GRAMD1B: variants seen among roughly 807,000 people sequenced by gnomAD.
GRAMD1B encodes the protein protein Aster-B.
Under a neutral mutation model 99.7 loss-of-function variants are expected in GRAMD1B, and 37 were observed. The observed-to-expected ratio is 0.37, with a 90% CI of 0.29 to 0.49. The LOEUF (loss-of-function observed/expected upper bound fraction) is 0.49. Among genes scored for constraint, GRAMD1B ranks in the 20% least tolerant of loss-of-function variants. GRAMD1B has a pLI of 0.98. For missense variants in GRAMD1B, 888 were observed against 1,009.2 expected, an observed-to-expected ratio of 0.88 and a Z score of 1.63; for synonymous variants, 427 against 387.6, an observed-to-expected ratio of 1.10 and a Z score of -1.19.
rs540839529 is a variant in GRAMD1B at position 123,475,025 on chromosome 11, T to C, written c.375-5791T>C. Among the ~76,000 whole-genome samples the C allele has an allele frequency of 3.1e-4, 47 of 152,252 alleles. 1 individual carries two copies. Among genetic ancestry groups the C allele is most frequent in the Admixed American group, 2.9e-3 (44 of 15,298 alleles). On this transcript the variant is annotated intron_variant, in intron 1 of 19. Coordinates refer to ENST00000635736, the MANE Select transcript of GRAMD1B (RefSeq NM_001387025.1). ...TAGGGTTGCCTGGAAGAGAAAGAGC[T>C]GTTTCTCCCTAGGAAGCACCTACTC...
chr11:123,377,409 G>T (rs992932509), intron 1 of GRAMD1B, among the ~76,000 whole-genome samples: 1 of 152,302 alleles, frequency 6.6e-6, no homozygotes, highest in African/African-American at 2.4e-5. Flanking sequence ...AGCAAAATGC[G>T]TGGTGGGTGC....
At chr11:123,549,709 T>C (rs1039145399) in intron 2 of GRAMD1B, among the ~76,000 whole-genome samples, 10 of 152,290 alleles carry the variant, frequency 6.6e-5, no homozygotes, top group Admixed American at 3.9e-4. Flanking sequence ...TGAGTGCTCA[T>C]ACTCTATGAA....
chr11:123,580,842 TC>T (rs942317967), intron 3 of GRAMD1B, among the ~76,000 whole-genome samples: 29 of 149,538 alleles, frequency 1.9e-4, no homozygotes, highest in African/African-American at 6.9e-4. Flanking sequence ...GCTGCACACC[TC>T]CCCACCGCGG....
At chr11:123,421,869 GAAAC>G (rs1948449128) in intron 1 of GRAMD1B, among the ~76,000 whole-genome samples, 3 of 152,110 alleles carry the variant, frequency 2.0e-5, no homozygotes, top group Non-Finnish European at 1.5e-5. Flanking sequence ...TACATTTAAA[GAAAC>G]AATGTATTCT....
At chr11:123,494,113 G>A (rs750641447) in intron 2 of GRAMD1B, among the ~76,000 whole-genome samples, 2 of 152,110 alleles carry the variant, frequency 1.3e-5, no homozygotes, top group South Asian at 2.1e-4. Flanking sequence ...TATTGTGTCC[G>A]CAACACTTAG....
chr11:123,591,242 C>T lies in GRAMD1B; in HGVS notation c.685-2840C>T, dbSNP rs1460148564. ...GCAGCTCTAGGAGCAGAAAGGACAC[C>T]TGTCAGAGTCACACAGGCCCTCTGC... On this transcript the variant is annotated intron_variant, in intron 4 of 19. Coordinates refer to ENST00000635736, the MANE Select transcript of GRAMD1B (RefSeq NM_001387025.1). The surrounding 1 kb of genome is among the most constrained non-coding windows in gnomAD (Gnocchi z 4.7). 2 of 395,032 alleles carry T rather than the reference C, an allele frequency of 5.1e-6. No homozygotes were observed. Among genetic ancestry groups the T allele is most frequent in the East Asian group, 3.6e-5 (1 of 27,918 alleles). 24.5% of individuals were successfully genotyped at this position (395,032 alleles called of 1,614,324 possible). A position where few individuals can be genotyped will look rare whatever the true frequency, so the allele number is the denominator to read the frequency against.
chr11:123,442,377 AG>A (rs1949449031), intron 1 of GRAMD1B, among the ~76,000 whole-genome samples: 1 of 152,250 alleles, frequency 6.6e-6, no homozygotes, highest in South Asian at 2.1e-4. Context: ...GTTACCAGAA[AG>A]GGGTCCCATT....
At position 123,513,601 on chromosome 11, in the gene GRAMD1B, C is replaced by CTTTCTTTCTTT. The variant is rs1591772451; in HGVS notation, c.452+32708_452+32709insTTTCTTTCTTT. Reference sequence around the variant, plus strand: ...CCTTTCCTTCCTTCCTTCCTTCCTTCCTTCCTTCCTTCCTTCCTTTCTTTC... The same window carrying CTTTCTTTCTTT: ...CCTTTCCTTCCTTCCTTCCTTCCTTCTTTCTTTCTTTCTTCCTTCCTTCCTTCCTTTCTTTC... On this transcript the variant is annotated intron_variant, in intron 2 of 19. Transcript: ENST00000635736. 5.3e-3 allele frequency among the ~76,000 whole-genome samples: 197 copies of CTTTCTTTCTTT among 37,346 alleles called. 5 individuals are homozygous for CTTTCTTTCTTT. The highest frequency in any genetic ancestry group is 0.013 in the African/African-American group (186 of 14,462). 24.5% of individuals were successfully genotyped at this position (37,346 alleles called of 152,430 possible). A position where few individuals can be genotyped will look rare whatever the true frequency, so the allele number is the denominator to read the frequency against.
chr11:123,613,710 G>T (rs1364845831), intron 16 of GRAMD1B, 52 bp downstream of exon 16: 1 of 1,364,684 alleles, frequency 7.3e-7, no homozygotes. Context: ...GGCTGGAGCT[G>T]CATGCCCACA....
In GRAMD1B at chr11:123,610,889, A is replaced by G. The variant is rs148143314; in HGVS notation, c.1919+551A>G. On this transcript the variant is annotated intron_variant, in intron 14 of 19. Transcript: ENST00000635736. The surrounding 1 kb of genome is among the most constrained non-coding windows in gnomAD (Gnocchi z 4.1). ...GCCTGCACGTATCAGAGTCCAGAGAACACTTATTAGTGAATAATTAGTTCT... is the reference window on the plus strand; with the variant it reads ...GCCTGCACGTATCAGAGTCCAGAGAGCACTTATTAGTGAATAATTAGTTCT... 6.6e-6 allele frequency among the ~76,000 whole-genome samples: 1 copy of G among 152,326 alleles called. No homozygotes were observed. Among genetic ancestry groups the G allele is most frequent in the African/African-American group, 2.4e-5 (1 of 41,566 alleles).
intron 2 of GRAMD1B, among the ~76,000 whole-genome samples, chr11:123,541,562 TC>T: frequency 6.6e-6 from 1 of 151,724 alleles, no homozygotes; most frequent in East Asian, 1.9e-4. Context: ...TGGCCTTTGC[TC>T]CCTTTCTTGT....
At chr11:123,407,746 A>G (rs1947904630) in intron 1 of GRAMD1B, among the ~76,000 whole-genome samples, 1 of 152,154 alleles carries the variant, frequency 6.6e-6, no homozygotes, top group Admixed American at 6.6e-5. Context: ...CATCTCCCCA[A>G]ATTAAACGTG....
intron 2 of GRAMD1B, among the ~76,000 whole-genome samples, chr11:123,512,702 T>TC (rs1941152355): frequency 7.7e-6 from 1 of 129,298 alleles, no homozygotes; most frequent in Non-Finnish European, 1.6e-5. Flanking sequence ...GCATTGTGAA[T>TC]CTTTTTTTTT....
chr11:123,513,753 C>T (rs563233085), intron 2 of GRAMD1B, among the ~76,000 whole-genome samples: 1 of 151,628 alleles, frequency 6.6e-6, no homozygotes, highest in South Asian at 2.1e-4. Context: ...ACTTTTTGGG[C>T]TCAAGTGATC....
chr11:123,493,855 G>C (rs776044076), intron 2 of GRAMD1B, among the ~76,000 whole-genome samples: 2 of 152,120 alleles, frequency 1.3e-5, no homozygotes, highest in African/African-American at 2.4e-5. Flanking sequence ...CTTCCTCCCT[G>C]TTAGTGACTC....
At chr11:123,375,808 G>A (rs1296248233) in intron 1 of GRAMD1B, among the ~76,000 whole-genome samples, 1 of 152,188 alleles carries the variant, frequency 6.6e-6, no homozygotes, top group Admixed American at 6.5e-5. Context: ...TGATGGGAAT[G>A]GGGTAGATGA....
intron 2 of GRAMD1B, among the ~76,000 whole-genome samples, chr11:123,542,228 A>G (rs1160320654): frequency 2.0e-5 from 3 of 152,230 alleles, no homozygotes; most frequent in East Asian, 3.8e-4. Context: ...ATGTGAATGC[A>G]TGGATGGTGG....
chr11:123,513,756 A>G (rs1259837769), intron 2 of GRAMD1B, among the ~76,000 whole-genome samples: 2 of 151,598 alleles, frequency 1.3e-5, no homozygotes, highest in African/African-American at 2.4e-5. Flanking sequence ...TTTTGGGCTC[A>G]AGTGATCCTC....
At chr11:123,429,384 G>T (rs918579384), upstream of GRAMD1B, among the ~76,000 whole-genome samples, 10 of 152,106 alleles carry the variant, frequency 6.6e-5, no homozygotes, top group African/African-American at 2.2e-4. This position sits in a 1 kb window ranked among gnomAD's most constrained non-coding sequence, Gnocchi z 4.0. Flanking sequence ...TGGGTCTAGA[G>T]AGTGAGTGTG....
Sources: gnomAD v4.1 joint callset for allele counts (sites outside exome capture counted in the v4.1 genomes callset) on GRCh38, gnomAD v4.1.1 for gene constraint, Gnocchi (gnomAD v3.1) non-coding constraint, MANE v1.5 for transcripts, NCBI Gene and HGNC (gene_info 2026-07-23, HGNC 2026-07-21) for gene names.